Variants in IL1RAPL1 observed in about 807,000 individuals in gnomAD.
The protein encoded by IL1RAPL1 is interleukin-1 receptor accessory protein-like 1.
Under a neutral mutation model 48.4 loss-of-function variants are expected in IL1RAPL1, and 3 were observed. The observed-to-expected ratio is 0.06, with a 90% confidence interval of 0.03 to 0.16. The LOEUF is 0.16. IL1RAPL1 is among the 10% of genes least tolerant of loss of function. The pLI is 1.00. For synonymous variants in IL1RAPL1, 185 were observed against 187.7 expected (o/e 0.99, Z 0.12); for missense variants, 349 against 530.6 (o/e 0.66, Z 3.36).
At chrX:28,597,765 T>C (rs1728273061) in intron 1 of IL1RAPL1, among the ~76,000 whole-genome samples, 1 of 110,356 alleles carries the variant, frequency 9.1e-6, no homozygotes, top group African/African-American at 3.3e-5. Context: ...AAACCACTGC[T>C]ACCAGTGCTG....
intron 3 of IL1RAPL1, among the ~76,000 whole-genome samples, chrX:29,355,512 T>C (rs772029903): frequency 8.9e-6 from 1 of 112,685 alleles, no homozygotes; most frequent in South Asian, 3.6e-4. Flanking sequence ...CATAAAGATA[T>C]AACCCACAAA....
chrX:29,550,820 G>T (rs2147787652), intron 5 of IL1RAPL1, among the ~76,000 whole-genome samples: 1 of 111,650 alleles, frequency 9.0e-6, no homozygotes, highest in African/African-American at 3.3e-5. Context: ...TTTTTACTGT[G>T]GTAAATAATC....
intron 8 of IL1RAPL1, among the ~76,000 whole-genome samples, chrX:29,925,841 C>T (rs1041125503): frequency 8.9e-6 from 1 of 112,091 alleles, no homozygotes; most frequent in African/African-American, 3.2e-5. Flanking sequence ...TGCCCAACTC[C>T]CTGTGTGCTT....
At chrX:29,393,441 A>G (rs772000881) in intron 3 of IL1RAPL1, among the ~76,000 whole-genome samples, 13 of 111,745 alleles carry the variant, frequency 1.2e-4, no homozygotes, top group African/African-American at 4.2e-4. Flanking sequence ...AGTTCTCAAA[A>G]ATAATGAGTG....
chrX:29,763,051 T>G (rs1005985734), intron 6 of IL1RAPL1, among the ~76,000 whole-genome samples: 3 of 98,248 alleles, frequency 3.1e-5, no homozygotes, highest in African/African-American at 1.1e-4. Flanking sequence ...AAGTTTTTTG[T>G]TTTTTTTTTT....
At chrX:29,348,179 A>G (rs1045764335) in intron 3 of IL1RAPL1, among the ~76,000 whole-genome samples, 3 of 112,227 alleles carry the variant, frequency 2.7e-5, no homozygotes, top group Non-Finnish European at 5.6e-5. Context: ...ACAAAGTGGT[A>G]TAAAGTATTA....
intron 2 of IL1RAPL1, among the ~76,000 whole-genome samples, chrX:28,806,289 G>A (rs969224724): frequency 8.9e-6 from 1 of 111,912 alleles, no homozygotes; most frequent in African/African-American, 3.2e-5. Context: ...GAAGCTGAAA[G>A]CACTGAGACT....
chrX:29,258,257 T>C (rs1307431302), intron 2 of IL1RAPL1, among the ~76,000 whole-genome samples: 3 of 111,304 alleles, frequency 2.7e-5, no homozygotes, highest in Non-Finnish European at 3.8e-5. Context: ...CCCATAAATA[T>C]ATACAAATAT....
At chrX:29,591,500 C>T (rs764093358) in intron 5 of IL1RAPL1, among the ~76,000 whole-genome samples, 18 of 112,250 alleles carry the variant, frequency 1.6e-4, no homozygotes, top group African/African-American at 2.6e-4. Flanking sequence ...AGTCACCAGT[C>T]GGGAGGAGCA....
intron 6 of IL1RAPL1, among the ~76,000 whole-genome samples, chrX:29,678,090 C>A (rs1246900571): frequency 1.8e-5 from 2 of 111,131 alleles, no homozygotes; most frequent in Non-Finnish European, 3.8e-5. Context: ...GCAGTCACTT[C>A]TTTTTATCTT....
At chrX:29,575,323 C>T (rs1199908858) in intron 5 of IL1RAPL1, among the ~76,000 whole-genome samples, 2 of 111,726 alleles carry the variant, frequency 1.8e-5, no homozygotes, top group African/African-American at 3.3e-5. Flanking sequence ...GCTGGGAAAA[C>T]AAGGAAATAG....
At chrX:28,988,841 A>G (rs938523269) in intron 2 of IL1RAPL1, among the ~76,000 whole-genome samples, 2 of 111,680 alleles carry the variant, frequency 1.8e-5, no homozygotes, top group Non-Finnish European at 1.9e-5. Context: ...TATCATCTCA[A>G]AGTTTTCAAT....
intron 6 of IL1RAPL1, among the ~76,000 whole-genome samples, chrX:29,906,460 A>T (rs867965091): frequency 9.4e-4 from 28 of 29,880 alleles, no homozygotes; most frequent in Middle Eastern, 0.032. Context: ...TAACTTTGTA[A>T]ATATATATAT....
At chrX:28,723,894 T>A (rs1196388341) in intron 1 of IL1RAPL1, among the ~76,000 whole-genome samples, 6 of 112,019 alleles carry the variant, frequency 5.4e-5, no homozygotes, top group South Asian at 7.4e-4. Context: ...TTCCATGTAG[T>A]TGGGCGATTT....
intron 6 of IL1RAPL1, among the ~76,000 whole-genome samples, chrX:29,845,977 G>A (rs370970226): frequency 4.5e-5 from 5 of 110,894 alleles, no homozygotes; most frequent in Admixed American, 1.9e-4. Flanking sequence ...GTGCTATACC[G>A]TTCATGAGAA....
chrX:28,722,365 T>G (rs1170383496), intron 1 of IL1RAPL1, among the ~76,000 whole-genome samples: 6 of 111,705 alleles, frequency 5.4e-5, no homozygotes, highest in African/African-American at 1.9e-4. Context: ...CAATTGTGAA[T>G]GGGAGTTCAC....
intron 1 of IL1RAPL1, among the ~76,000 whole-genome samples, chrX:28,737,268 T>TTTCTTTCTTTCG (rs1935854536): frequency 1.0e-5 from 1 of 98,972 alleles, no homozygotes; most frequent in Non-Finnish European, 2.0e-5. Context: ...TCTTTCTTTC[T>TTTCTTTCTTTCG]TTTTTTGAGA....
intron 6 of IL1RAPL1, among the ~76,000 whole-genome samples, chrX:29,886,484 G>C (rs1213324389): frequency 8.9e-6 from 1 of 112,113 alleles, no homozygotes; most frequent in African/African-American, 3.2e-5. Context: ...AAAAGTAGAA[G>C]TTCCCCTTAG....
chrX:28,771,569 T>G (rs1224650041), intron 1 of IL1RAPL1, among the ~76,000 whole-genome samples: 2 of 111,670 alleles, frequency 1.8e-5, no homozygotes, highest in African/African-American at 6.5e-5. Flanking sequence ...TGTCATCCTT[T>G]AATGGAGAAC....
Sources: gnomAD v4.1 joint callset for allele counts (sites outside exome capture counted in the v4.1 genomes callset) on GRCh38, gnomAD v4.1.1 for gene constraint, MANE v1.5 for transcripts, NCBI Gene and HGNC (gene_info 2026-07-23, HGNC 2026-07-21) for gene names.